Variants in RPS6KC1 observed in about 807,000 individuals in gnomAD.
RPS6KC1 encodes inactive ribosomal protein S6 kinase delta-1.
RPS6KC1 carries 54 observed loss-of-function variants against 103.8 expected under a neutral mutation model. The ratio of observed to expected loss-of-function variants is 0.52; its 90% CI spans 0.42 to 0.65. RPS6KC1 has a LOEUF of 0.65. RPS6KC1 is among the 30% of genes least tolerant of loss of function. The pLI is 0.00. For missense variants in RPS6KC1, 1,151 were observed against 1,253.8 expected (o/e 0.92, Z 1.24); for synonymous variants, 439 against 438.7 (o/e 1.00, Z -0.01).
chr1:213,172,416 A>G (rs1402193009), intron 7 of RPS6KC1, among the ~76,000 whole-genome samples: 2 of 152,186 alleles, frequency 1.3e-5, no homozygotes, highest in East Asian at 3.9e-4. Context: ...CAACATGGTG[A>G]AACTGCATCT....
At chr1:213,619,106 A>G in the RPS6KC1 span, among the ~76,000 whole-genome samples, 1 of 152,230 alleles carries the variant, frequency 6.6e-6, no homozygotes, top group Admixed American at 6.5e-5. Context: ...AAGAAGCTCT[A>G]ATTTAGGAAA....
At chr1:213,673,428 C>T in the RPS6KC1 span, among the ~76,000 whole-genome samples, 29 of 152,200 alleles carry the variant, frequency 1.9e-4, no homozygotes, top group Non-Finnish European at 3.7e-4. Flanking sequence ...ATGTACAGAA[C>T]TCAGGTTAGA....
At chr1:213,596,240 T>C in the RPS6KC1 span, among the ~76,000 whole-genome samples, 70 of 152,298 alleles carry the variant, frequency 4.6e-4, no homozygotes, top group Non-Finnish European at 7.9e-4. Context: ...TGTCCCTCTT[T>C]GGTCATGCTC....
chr1:213,493,841 A>G, the RPS6KC1 span, among the ~76,000 whole-genome samples: 1 of 152,198 alleles, frequency 6.6e-6, no homozygotes, highest in Non-Finnish European at 1.5e-5. Flanking sequence ...TCTAGAGAGA[A>G]GTGTGTGCTG....
At chr1:213,434,344 CACCT>C in the RPS6KC1 span, among the ~76,000 whole-genome samples, 1 of 151,908 alleles carries the variant, frequency 6.6e-6, no homozygotes, top group Non-Finnish European at 1.5e-5. Flanking sequence ...TTCTAGATTA[CACCT>C]TTAAAAAAAA....
At chr1:213,318,130 T>A in the RPS6KC1 span, among the ~76,000 whole-genome samples, 88 of 152,372 alleles carry the variant, frequency 5.8e-4, no homozygotes, top group South Asian at 8.5e-3. Flanking sequence ...ACTGCAAGTG[T>A]CTGATTGAAC....
chr1:213,629,300 G>T, the RPS6KC1 span, among the ~76,000 whole-genome samples: 1 of 151,884 alleles, frequency 6.6e-6, no homozygotes, highest in Non-Finnish European at 1.5e-5. Flanking sequence ...AGGATAGTTA[G>T]CTCTTCTTGT....
At chr1:213,070,557 G>A (rs2078773446) in intron 1 of RPS6KC1, among the ~76,000 whole-genome samples, 1 of 152,190 alleles carries the variant, frequency 6.6e-6, no homozygotes, top group African/African-American at 2.4e-5. Flanking sequence ...CCATGTGGTG[G>A]AAGATTTATG....
the RPS6KC1 span, among the ~76,000 whole-genome samples, chr1:213,498,357 A>G: frequency 6.6e-6 from 1 of 152,228 alleles, no homozygotes; most frequent in African/African-American, 2.4e-5. Flanking sequence ...ATCTCTTAAT[A>G]TAATTAATCA....
the RPS6KC1 span, among the ~76,000 whole-genome samples, chr1:213,776,034 T>A: frequency 2.0e-5 from 3 of 152,314 alleles, no homozygotes; most frequent in South Asian, 6.2e-4. Flanking sequence ...AGTCATATTT[T>A]CAGGCTCCAC....
downstream of RPS6KC1, among the ~76,000 whole-genome samples, chr1:213,275,550 G>A (rs183027615): frequency 6.6e-6 from 1 of 152,040 alleles, no homozygotes; most frequent in East Asian, 1.9e-4. Flanking sequence ...TTTGAGACAT[G>A]GACCTTTTCA....
chr1:213,847,839 C>A, the RPS6KC1 span, among the ~76,000 whole-genome samples: 1 of 152,254 alleles, frequency 6.6e-6, no homozygotes, highest in East Asian at 1.9e-4. Context: ...CTTATGGACC[C>A]ACCTCAAATT....
the RPS6KC1 span, among the ~76,000 whole-genome samples, chr1:213,491,885 G>A: frequency 1.3e-5 from 2 of 152,294 alleles, no homozygotes; most frequent in South Asian, 2.1e-4. Flanking sequence ...AATAAAAATT[G>A]CCAGGTGGAG....
In RPS6KC1 at chr1:213,241,581, C is replaced by T; in HGVS notation, c.2105C>T (p.Thr702Ile). 1 of 1,613,886 alleles carries T rather than the reference C, an allele frequency of 6.2e-7. No individual in the cohort carries two copies. Among genetic ancestry groups the T allele is most frequent in the Non-Finnish European group, 8.5e-7 (1 of 1,179,926 alleles). Reference sequence around the variant, plus strand: ...AATTTACCTGGTGAATTGGAGTCAACAAGAGAAGCTGCAGCAATGGGACCT... The same window carrying T: ...AATTTACCTGGTGAATTGGAGTCAATAAGAGAAGCTGCAGCAATGGGACCT... ...LVNLPGELES[T>I]REAAAMGPTK... The change falls in exon 11 of 15, where the codon ACA becomes ATA. Residue 702 changes from threonine (T) to isoleucine (I), a missense_variant. Physicochemically the swap from Thr to Ile is moderately conservative, Grantham distance 89. Coordinates refer to ENST00000366960, the MANE Select transcript of RPS6KC1 (RefSeq NM_012424.6).
intron 8 of RPS6KC1, among the ~76,000 whole-genome samples, chr1:213,227,864 C>A (rs1573449535): frequency 6.6e-6 from 1 of 152,138 alleles, no homozygotes; most frequent in East Asian, 1.9e-4. Context: ...GAAATGGATT[C>A]ATGTGATATT....
At chr1:213,223,529 G>T (rs745877432) in intron 8 of RPS6KC1, among the ~76,000 whole-genome samples, 40 of 152,264 alleles carry the variant, frequency 2.6e-4, no homozygotes, top group Middle Eastern at 6.8e-3. Flanking sequence ...TGCTGCAAAA[G>T]ACATTATTTC....
chr1:213,473,223 T>C, the RPS6KC1 span, among the ~76,000 whole-genome samples: 131,684 of 152,272 alleles, frequency 0.86, 57,052 homozygotes, highest in East Asian at 0.98. Flanking sequence ...CCAACACCAA[T>C]CAAGCTTCCC....
the RPS6KC1 span, among the ~76,000 whole-genome samples, chr1:213,443,384 C>T: frequency 1.3e-5 from 2 of 152,166 alleles, no homozygotes; most frequent in East Asian, 1.9e-4. Flanking sequence ...TGTTCACATG[C>T]CCCTTTGTAG....
At chr1:213,616,851 G>A in the RPS6KC1 span, among the ~76,000 whole-genome samples, 1 of 152,154 alleles carries the variant, frequency 6.6e-6, no homozygotes. Flanking sequence ...ACCCAGAAGG[G>A]CAGTTCTGTG....
Sources: allele counts gnomAD v4.1 joint callset (sites outside exome capture counted in the v4.1 genomes callset), GRCh38; gene constraint gnomAD v4.1.1; transcripts MANE v1.5; gene names NCBI Gene and HGNC (gene_info 2026-07-23, HGNC 2026-07-21).